The following ZFHX4 variants were observed in gnomAD, a reference collection of about 807,000 sequenced individuals.
ZFHX4 encodes the protein zinc finger homeobox protein 4.
Under a neutral mutation model 267.6 loss-of-function variants are expected in ZFHX4, and 56 were observed. The ratio of observed to expected loss-of-function variants is 0.21; its 90% CI spans 0.17 to 0.26. The LOEUF (loss-of-function observed/expected upper bound fraction) is 0.26, where lower values mean the gene tolerates loss of function less well. Among genes scored for constraint, ZFHX4 ranks in the 10% least tolerant of loss-of-function variants. The pLI is 1.00. For missense variants in ZFHX4, 4,332 were observed against 4,420.0 expected (o/e 0.98, Z 0.56); for synonymous variants, 1,778 against 1,665.6 (o/e 1.07, Z -1.64).
Position 76,791,413 on chromosome 8 carries a change from A to G in ZFHX4, c.3325+12974A>G, listed in dbSNP as rs548187678. The stretch of plus-strand genomic sequence containing the variant: ...AAAAACTCCAGAATTCTTATGTTTT[A>G]AGGTAGAAGGTTTGGATTTTAACGT... On this transcript the variant is annotated intron_variant, in intron 4 of 10. Coordinates refer to ENST00000651372, the MANE Select transcript of ZFHX4 (RefSeq NM_024721.5). 1.1e-4 allele frequency among the ~76,000 whole-genome samples: 17 copies of G among 152,242 alleles called. No homozygotes were observed. In the South Asian group the frequency reaches 3.3e-3, roughly 30 times the overall value.
chr8:76,735,762 G>T (rs959530511), intron 3 of ZFHX4, among the ~76,000 whole-genome samples: 2 of 152,046 alleles, frequency 1.3e-5, no homozygotes, highest in Non-Finnish European at 2.9e-5. Flanking sequence ...TCAATGGATC[G>T]AGGGGAGAAG....
At chr8:76,684,074 A>T (rs1271511253) in intron 1 of ZFHX4, 1 of 151,772 alleles carries the variant, frequency 6.6e-6, no homozygotes, top group African/African-American at 2.4e-5. Flanking sequence ...TTCTTTACTA[A>T]CTGAAGACTA....
intron 3 of ZFHX4, among the ~76,000 whole-genome samples, chr8:76,716,481 TTATAGATAG>T (rs917203712): frequency 1.6e-4 from 24 of 152,300 alleles, no homozygotes; most frequent in Admixed American, 6.5e-4. Flanking sequence ...GCTTGAGTCC[TTATAGATAG>T]TAAGAGGCTG....
chr8:76,849,225 T>G, intron 7 of ZFHX4, 97 bp downstream of exon 7: 1 of 1,358,222 alleles, frequency 7.4e-7, no homozygotes, highest in Non-Finnish European at 9.9e-7. Flanking sequence ...TTGAAATGTA[T>G]GTAGACATTG....
chr8:76,855,083 G>C lies in ZFHX4; in HGVS notation c.8162G>C (p.Gly2721Ala). The C allele has an allele frequency of 6.2e-7, 1 of 1,613,848 alleles. No homozygotes were observed. The highest frequency in any genetic ancestry group is 8.5e-7 in the Non-Finnish European group (1 of 1,179,830). ...PSPLISTEDGGESPQKYIYFD... is the reference protein window; with the variant it reads ...PSPLISTEDGAESPQKYIYFD... ...CCTTTAATATCCACCGAAGATGGGGGAGAAAGCCCACAGAAATACATCTAT... is the reference window on the plus strand; with the variant it reads ...CCTTTAATATCCACCGAAGATGGGGCAGAAAGCCCACAGAAATACATCTAT... Residue 2721 changes from glycine to alanine, a missense_variant, in exon 10 of 11, where the codon GGA (glycine) becomes GCA (alanine). Transcript: ENST00000651372.
intron 5 of ZFHX4, among the ~76,000 whole-genome samples, chr8:76,842,186 T>A (rs1332446575): frequency 6.6e-6 from 1 of 152,052 alleles, no homozygotes; most frequent in Middle Eastern, 3.4e-3. Flanking sequence ...AGAATTCCTT[T>A]GGGGTCTGGG....
rs751230347 is a variant in ZFHX4 at position 76,705,126 on chromosome 8, C to T, written c.1038C>T (p.Pro346=). The change falls in exon 2 of 11, where the codon CCC becomes CCT. Residue 346 remains proline (P), a synonymous_variant. Transcript: ENST00000651372. ...CAAAAAAATCCACTTCTGTTTATCC[C>T]CATTTTTCTACTACAAACCTCATAG... ...LEPKKSTSVY[P]HFSTTNLIGP... 1 of 1,613,622 alleles carries T rather than the reference C, an allele frequency of 6.2e-7. No homozygotes were observed. Among genetic ancestry groups the T allele is most frequent in the Non-Finnish European group, 8.5e-7 (1 of 1,179,816 alleles).
chr8:76,731,809 G>A (rs192614924), intron 3 of ZFHX4, among the ~76,000 whole-genome samples: 1 of 150,984 alleles, frequency 6.6e-6, no homozygotes, highest in Non-Finnish European at 1.5e-5. Flanking sequence ...TTTATAATGC[G>A]ATATGATAAT....
intron 5 of ZFHX4, among the ~76,000 whole-genome samples, chr8:76,837,906 A>C (rs1385633305): frequency 6.6e-6 from 1 of 152,166 alleles, no homozygotes; most frequent in Non-Finnish European, 1.5e-5. Context: ...ATAGTACTCA[A>C]TAGTACTAGT....
At chr8:76,770,036 A>G (rs1173505489) in intron 3 of ZFHX4, among the ~76,000 whole-genome samples, 1 of 152,194 alleles carries the variant, frequency 6.6e-6, no homozygotes, top group African/African-American at 2.4e-5. Context: ...CTGGAGAGGC[A>G]AAATAAAGAC....
At position 76,817,628 on chromosome 8, in the gene ZFHX4, T is replaced by A. The variant is rs150164905; in HGVS notation, c.3326-15710T>A. Among the ~76,000 whole-genome samples, 737 of 152,298 alleles carry A rather than the reference T, an allele frequency of 4.8e-3. 1 individual carries two copies. Among genetic ancestry groups the A allele is most frequent in the Non-Finnish European group, 8.2e-3 (560 of 68,024 alleles). ...TCACAAACCAGTAACAAGAAGGGACTAGGAAAAGGAAAACAGTGCAGGGTA... is the reference window on the plus strand; with the variant it reads ...TCACAAACCAGTAACAAGAAGGGACAAGGAAAAGGAAAACAGTGCAGGGTA... On this transcript the variant is annotated intron_variant, in intron 4 of 10. Transcript: ENST00000651372.
At chr8:76,840,132 A>C (rs994749006) in intron 5 of ZFHX4, among the ~76,000 whole-genome samples, 3 of 152,186 alleles carry the variant, frequency 2.0e-5, no homozygotes, top group African/African-American at 7.2e-5. Flanking sequence ...CACAAAACAG[A>C]TCTGAATTGC....
rs531604385 is a variant in ZFHX4, at chr8:76,771,714, C to T, written c.3094-6494C>T. Among the ~76,000 whole-genome samples, 158 of 152,114 alleles carry T rather than the reference C, an allele frequency of 1.0e-3. 2 individuals carry two copies. Among genetic ancestry groups the T allele is most frequent in the Non-Finnish European group, 4.6e-4 (31 of 68,026 alleles). On this transcript the variant is annotated intron_variant, in intron 3 of 10. Transcript: ENST00000651372. ...TGGGATTCAGGCGTGAGCCACTGTA[C>T]CCAAACAGATTGCTTTTCAAGACAC...
Position 76,855,377 on chromosome 8 carries a change from G to A in ZFHX4, c.8456G>A (p.Gly2819Glu), listed in dbSNP as rs1563565044. The stretch of plus-strand genomic sequence containing the variant: ...AGTGACGCCACCACCGGAGACGAGG[G>A]AAACACTGAAATGGAAAGCACCACA... ...AISDATTGDE[G>E]NTEMESTTGS... Residue 2819 changes from glycine (G) to glutamate (E), a missense_variant, in exon 10 of 11, where the codon GGA becomes GAA. This residue lies in a region of ZFHX4 where 1,648 missense variants were observed against 1,625.0 expected (regional missense o/e 1.01). Transcript: ENST00000651372. 2 of 1,613,608 alleles carry A rather than the reference G, an allele frequency of 1.2e-6. No individual in the cohort carries two copies. Among genetic ancestry groups the A allele is most frequent in the Non-Finnish European group, 1.7e-6 (2 of 1,179,814 alleles).
chr8:76,758,258 A>C (rs1413724003), intron 3 of ZFHX4, among the ~76,000 whole-genome samples: 1 of 152,200 alleles, frequency 6.6e-6, no homozygotes, highest in Non-Finnish European at 1.5e-5. Context: ...AAGGGACTCA[A>C]GTAAGACAAC....
At chr8:76,761,768 A>G (rs929633452) in intron 3 of ZFHX4, among the ~76,000 whole-genome samples, 2 of 152,238 alleles carry the variant, frequency 1.3e-5, no homozygotes, top group Non-Finnish European at 2.9e-5. Context: ...TTTTCAAAAT[A>G]AATGAGGTTT....
intron 4 of ZFHX4, among the ~76,000 whole-genome samples, chr8:76,817,979 G>A (rs75195726): frequency 6.6e-6 from 1 of 152,180 alleles, no homozygotes; most frequent in African/African-American, 2.4e-5. Flanking sequence ...TTAGCATTTG[G>A]CCTGGGGCTG....
At chr8:76,804,167 A>AC (rs1811189553) in intron 4 of ZFHX4, among the ~76,000 whole-genome samples, 5 of 152,150 alleles carry the variant, frequency 3.3e-5, no homozygotes, top group Admixed American at 3.3e-4. Context: ...GTCATGATTG[A>AC]TTTAACATCA....
intron 3 of ZFHX4, among the ~76,000 whole-genome samples, chr8:76,717,072 A>G (rs2131632420): frequency 6.6e-6 from 1 of 152,106 alleles, no homozygotes; most frequent in South Asian, 2.1e-4. Context: ...AGCACAATCT[A>G]CTCACTGCCT....
Sources: gnomAD v4.1 joint callset for allele counts (sites outside exome capture counted in the v4.1 genomes callset) on GRCh38, gnomAD v4.1.1 for gene constraint, gnomAD v4.1.1 regional missense constraint, MANE v1.5 for transcripts, NCBI Gene and HGNC (gene_info 2026-07-23, HGNC 2026-07-21) for gene names.